The following UBAP2 variants were observed in gnomAD, a reference collection of about 807,000 sequenced individuals.
The protein encoded by UBAP2 is ubiquitin associated protein 2.
In UBAP2, 75 loss-of-function variants were observed where a neutral mutation model predicts 139.6. The ratio of observed to expected loss-of-function variants is 0.54; its 90% confidence interval spans 0.45 to 0.65. The LOEUF is 0.65. Ranked by LOEUF, UBAP2 falls within the 30% of genes least tolerant of loss-of-function variation. The pLI is 0.00. For missense variants in UBAP2, 1,368 were observed against 1,369.6 expected (o/e 1.00, Z 0.02); for synonymous variants, 526 against 526.2 (o/e 1.00, Z 0.01).
intron 15 of UBAP2, among the ~76,000 whole-genome samples, chr9:33,942,940 C>T (rs1825362703): frequency 6.6e-6 from 1 of 152,134 alleles, no homozygotes; most frequent in South Asian, 2.1e-4. Flanking sequence ...AACTCTACTC[C>T]TGGGATATAC....
intron 2 of UBAP2, among the ~76,000 whole-genome samples, chr9:34,007,636 TG>T (rs1218882103): frequency 7.1e-5 from 10 of 139,934 alleles, no homozygotes; most frequent in Non-Finnish European, 1.3e-4. Flanking sequence ...TGTCCTTGTA[TG>T]TTTTATTTTT....
intron 4 of UBAP2, chr9:33,995,034 T>C (rs1350264562): frequency 6.6e-6 from 1 of 152,134 alleles, no homozygotes; most frequent in Non-Finnish European, 1.5e-5. Context: ...TTTTTTAATC[T>C]ACTCTAAAAT....
intron 10 of UBAP2, among the ~76,000 whole-genome samples, chr9:33,957,050 C>T (rs1040265229): frequency 8.6e-5 from 13 of 150,948 alleles, no homozygotes; most frequent in Non-Finnish European, 1.9e-4. Context: ...GATCACACCA[C>T]TGCACTCCAG....
chr9:33,939,547 A>G (rs1824904838), intron 16 of UBAP2, among the ~76,000 whole-genome samples: 2 of 150,238 alleles, frequency 1.3e-5, no homozygotes, highest in Admixed American at 6.7e-5. Flanking sequence ...TTATAAGACA[A>G]GATTCCTTGA....
intron 4 of UBAP2, chr9:33,994,686 A>G (rs1196005914): frequency 6.6e-6 from 1 of 152,134 alleles, no homozygotes; most frequent in Non-Finnish European, 1.5e-5. Flanking sequence ...AAAAATCACA[A>G]ATTTGATGGT....
intron 15 of UBAP2, among the ~76,000 whole-genome samples, 196 bp from the exon 16 acceptor site, chr9:33,942,058 A>C (rs1825267577): frequency 6.6e-6 from 1 of 152,220 alleles, no homozygotes; most frequent in South Asian, 2.1e-4. Context: ...TCACGCCTGT[A>C]ATCCCAGCAC....
rs1824186490 is a variant in UBAP2, at chr9:33,933,517, G to C, written c.2081C>G (p.Thr694Ser). 1.2e-6 allele frequency: 2 copies of C among 1,613,876 alleles called. No individual in the cohort carries two copies. The highest frequency in any genetic ancestry group is 1.7e-6 in the Non-Finnish European group (2 of 1,180,016). Residue 694 changes from threonine to serine, a missense_variant, in exon 18 of 29, where the codon ACT becomes AGT. Thr to Ser is a moderately conservative substitution (Grantham distance 58). Coordinates refer to ENST00000379238, the MANE Select transcript of UBAP2 (RefSeq NM_001370062.2). Reference sequence around the variant, plus strand: ...GCTAAGCTGAGAGAGAGGGCTGCTAGTCAGGTCGCCAGTGTGCTGGGATGT... The same window carrying C: ...GCTAAGCTGAGAGAGAGGGCTGCTACTCAGGTCGCCAGTGTGCTGGGATGT... ...PSTSQHTGDL[T>S]SSPLSQLSSS...
At chr9:34,016,367 C>CGGCGGCGGCGGCGGCGGCGGCGGT (rs1564064403) in intron 2 of UBAP2, among the ~76,000 whole-genome samples, 6 of 10,450 alleles carry the variant, frequency 5.7e-4, no homozygotes, top group African/African-American at 1.1e-3. Flanking sequence ...GCGGCGGCAG[C>CGGCGGCGGCGGCGGCGGCGGCGGT]GGCGGTGGTG....
rs1409135633 is a variant in UBAP2, at chr9:33,973,759, G to A, written c.521-522C>T. Among the ~76,000 whole-genome samples, 3 of 152,204 alleles carry A rather than the reference G, an allele frequency of 2.0e-5. No homozygotes were observed. In the East Asian group the frequency reaches 5.8e-4, roughly 29 times the overall value. ...TTAAAATCCTAAACTGAAGAGCAAA[G>A]GCCTAAATTTAAGAGCTAAAACTAT... On this transcript the variant is annotated intron_variant, in intron 6 of 28. Transcript: ENST00000379238.
chr9:34,036,982 ATTTTTTTTT>A (rs141751803), intron 1 of UBAP2, among the ~76,000 whole-genome samples: 8 of 57,434 alleles, frequency 1.4e-4, no homozygotes, highest in African/African-American at 6.1e-4. Flanking sequence ...ACACCCAGCT[ATTTTTTTTT>A]TTTTTTTTTT....
chr9:33,986,113 G>A (rs1007962056), intron 6 of UBAP2, among the ~76,000 whole-genome samples: 4 of 151,424 alleles, frequency 2.6e-5, no homozygotes, highest in African/African-American at 9.7e-5. Flanking sequence ...AGTGCAGTGA[G>A]GAGATCTCGG....
Position 33,960,194 on chromosome 9 carries a change from T to G in UBAP2, c.798+632A>C, listed in dbSNP as rs932594867. ...CTTCAAGTGATCCTCCTACCTTAGCTTCTCAGAGTGCTGTTGTGAGTCACT... is the reference window on the plus strand; with the variant it reads ...CTTCAAGTGATCCTCCTACCTTAGCGTCTCAGAGTGCTGTTGTGAGTCACT... On this transcript the variant is annotated intron_variant, in intron 10 of 28. Transcript: ENST00000379238. Among the ~76,000 whole-genome samples, 4 of 152,200 alleles carry G rather than the reference T, an allele frequency of 2.6e-5. No individual in the cohort carries two copies. In the South Asian group the frequency reaches 8.3e-4, roughly 32 times the overall value.
At chr9:33,979,239 A>C (rs1031722819) in intron 6 of UBAP2, among the ~76,000 whole-genome samples, 1 of 152,154 alleles carries the variant, frequency 6.6e-6, no homozygotes, top group African/African-American at 2.4e-5. Flanking sequence ...CCCTGTCTCT[A>C]AAAAAAGAAA....
intron 16 of UBAP2, 86 bp from the exon 17 acceptor site, chr9:33,935,964 G>A: frequency 8.3e-7 from 1 of 1,209,230 alleles, no homozygotes; most frequent in South Asian, 1.4e-5. Context: ...ACAACATGTA[G>A]CTTAATCAAG....
At chr9:34,034,277 T>C (rs1338909912) in intron 1 of UBAP2, among the ~76,000 whole-genome samples, 2 of 152,254 alleles carry the variant, frequency 1.3e-5, no homozygotes, top group African/African-American at 2.4e-5. Flanking sequence ...TTTTTCATTA[T>C]AGTTCTTCAA....
chr9:33,944,338 A>C (rs752544170), intron 14 of UBAP2, 27 bp downstream of exon 14: 9 of 1,605,308 alleles, frequency 5.6e-6, no homozygotes, highest in Non-Finnish European at 7.7e-6. Context: ...CAGCTTTAGG[A>C]CGGTGACTTC....
At chr9:34,012,472 A>T (rs1291587244) in intron 2 of UBAP2, among the ~76,000 whole-genome samples, 3 of 151,406 alleles carry the variant, frequency 2.0e-5, no homozygotes, top group Non-Finnish European at 4.4e-5. Flanking sequence ...CGGAGGTTGC[A>T]GTGAGCTGAG....
intron 10 of UBAP2, among the ~76,000 whole-genome samples, chr9:33,959,023 T>C (rs552268171): frequency 3.3e-5 from 5 of 151,812 alleles, no homozygotes; most frequent in Non-Finnish European, 7.4e-5. Context: ...GTGGCGTGCA[T>C]CTATAATTCC....
At chr9:33,935,815 A>C in intron 17 of UBAP2, 24 bp downstream of exon 17, 1 of 1,614,012 alleles carries the variant, frequency 6.2e-7, no homozygotes, top group Non-Finnish European at 8.5e-7. Flanking sequence ...AGCCATGACA[A>C]GAGTAGCTTG....
Sources: allele counts gnomAD v4.1 joint callset (sites outside exome capture counted in the v4.1 genomes callset), GRCh38; gene constraint gnomAD v4.1.1; transcripts MANE v1.5; gene names NCBI Gene and HGNC (gene_info 2026-07-23, HGNC 2026-07-21).